The following PSMD6 variants were observed in gnomAD, a reference collection of about 807,000 sequenced individuals.
PSMD6 encodes the protein 26S proteasome non-ATPase regulatory subunit 6.
PSMD6 carries 7 observed loss-of-function variants against 44.9 expected under a neutral mutation model. The observed-to-expected ratio is 0.16, with a 90% confidence interval of 0.09 to 0.29. The LOEUF (loss-of-function observed/expected upper bound fraction) is 0.29. Among genes scored for constraint, PSMD6 ranks in the 10% least tolerant of loss-of-function variants. The pLI is 1.00. For missense variants in PSMD6, 420 were observed against 482.6 expected, an observed-to-expected ratio of 0.87 and a Z score of 1.21; for synonymous variants, 184 against 172.7, an observed-to-expected ratio of 1.07 and a Z score of -0.51.
chr3:64,017,376 G>A (rs2076062500), intron 5 of PSMD6: 1 of 152,036 alleles, frequency 6.6e-6, no homozygotes, highest in Non-Finnish European at 1.5e-5. Flanking sequence ...TTCTGACTGA[G>A]GGAAGCAAGG....
chr3:64,017,512 A>T (rs1048166951), intron 5 of PSMD6: 14 of 152,376 alleles, frequency 9.2e-5, no homozygotes, highest in Non-Finnish European at 1.5e-4. Context: ...AGTGATGACC[A>T]GGAGACCTCA....
At chr3:64,016,458 A>G (rs983270773) in intron 5 of PSMD6, 1 of 143,618 alleles carries the variant, frequency 7.0e-6, no homozygotes, top group Admixed American at 7.0e-5. Context: ...CATGAAGATT[A>G]AAAAAAAAAA....
chr3:64,022,338 G>C lies in PSMD6; in HGVS notation c.331C>G (p.Leu111Val). The change falls in exon 2 of 8, where the codon CTC becomes GTC. Residue 111 changes from leucine (L) to valine (V), a missense_variant. Leu to Val is a conservative substitution (Grantham distance 32). Around this residue, in one of 4 missense-constraint regions of PSMD6, gnomAD observed 216 missense variants for 227.0 expected, o/e 0.95. Coordinates refer to ENST00000295901, the MANE Select transcript of PSMD6 (RefSeq NM_014814.3). Reference protein sequence around the residue: ...RDAMMAKAEYLCRIGDKEGAL... With the variant: ...RDAMMAKAEYVCRIGDKEGAL... Reference sequence around the variant, plus strand: ...CTCACTTTGTCACCTATCCGGCAGAGGTACTCGGCCTTTGCCATCATTGCA... The same window carrying C: ...CTCACTTTGTCACCTATCCGGCAGACGTACTCGGCCTTTGCCATCATTGCA... The C allele has an allele frequency of 2.5e-6, 4 of 1,614,192 alleles. No homozygotes were observed. Among genetic ancestry groups the C allele is most frequent in the Non-Finnish European group, 3.4e-6 (4 of 1,180,044 alleles).
At chr3:64,016,770 C>T (rs1312912072) in intron 5 of PSMD6, 1 of 152,156 alleles carries the variant, frequency 6.6e-6, no homozygotes, top group Non-Finnish European at 1.5e-5. Flanking sequence ...AGAAAACTGG[C>T]AGTTCCTCAA....
upstream of PSMD6, chr3:64,023,726 C>A (rs2076172161): frequency 6.0e-6 from 9 of 1,489,708 alleles, no homozygotes; most frequent in Admixed American, 2.0e-5. Flanking sequence ...AGCTATTTTA[C>A]TTTCCGTTTG....
At chr3:64,014,997 C>G (rs2076020364) in intron 5 of PSMD6, 1 of 152,274 alleles carries the variant, frequency 6.6e-6, no homozygotes, top group Non-Finnish European at 1.5e-5. Flanking sequence ...CAAGAGAAAG[C>G]TGTGGTGAGA....
At chr3:64,016,658 T>C (rs892193970) in intron 5 of PSMD6, 1 of 151,910 alleles carries the variant, frequency 6.6e-6, no homozygotes, top group Non-Finnish European at 1.5e-5. Flanking sequence ...CCCACAAAGA[T>C]ACCTATAATC....
At chr3:64,023,831 T>C (rs1021051250), upstream of PSMD6, 15 of 1,471,720 alleles carry the variant, frequency 1.0e-5, no homozygotes, top group Non-Finnish European at 1.3e-5. Flanking sequence ...GTTACTCTCA[T>C]TCATCTTATT....
chr3:64,023,053 G>A (rs1355784267), intron 1 of PSMD6: 13 of 1,428,792 alleles, frequency 9.1e-6, no homozygotes, highest in African/African-American at 2.9e-5. Flanking sequence ...GCCCTTACAG[G>A]GGAAGGCGGC....
chr3:64,022,638 C>G (rs780092222), intron 1 of PSMD6, 115 bp from the exon 2 acceptor site: 3 of 1,565,230 alleles, frequency 1.9e-6, no homozygotes, highest in Non-Finnish European at 2.6e-6. Flanking sequence ...CTCTTCCCCA[C>G]TAACAGGAAG....
At chr3:64,016,051 G>T (rs1303882444) in intron 5 of PSMD6, 2 of 152,106 alleles carry the variant, frequency 1.3e-5, no homozygotes, top group Admixed American at 1.3e-4. Flanking sequence ...GCCGGGCATG[G>T]TGGCGGGCGC....
In PSMD6 at chr3:64,019,335, T is replaced by C; in HGVS notation, c.458A>G (p.Asp153Gly). 1 of 1,593,702 alleles carries C rather than the reference T, an allele frequency of 6.3e-7. No homozygotes were observed. The highest frequency in any genetic ancestry group is 2.2e-5 in the East Asian group (1 of 44,790). ...TGTGTTTCGTGTGATGAGATCATTA[T>C]CCATATAAAATAAGCCAATCCTAAG... ...YLLRIGLFYM[D>G]NDLITRNTEK... is the part of the protein sequence containing the mutation. The change falls in exon 3 of 8, where the codon GAT becomes GGT. Residue 153 changes from aspartate to glycine, a missense_variant. Asp to Gly is a moderately conservative substitution (Grantham distance 94). Coordinates refer to ENST00000295901, the MANE Select transcript of PSMD6 (RefSeq NM_014814.3).
intron 2 of PSMD6, among the ~76,000 whole-genome samples, chr3:64,021,065 A>T (rs973165146): frequency 5.3e-5 from 8 of 152,006 alleles, no homozygotes; most frequent in Admixed American, 2.0e-4. Flanking sequence ...ACACATATTT[A>T]AAAAAAAGAA....
chr3:64,023,148 G>C (rs2106879229), intron 1 of PSMD6, 127 bp downstream of exon 1: 2 of 1,425,526 alleles, frequency 1.4e-6, no homozygotes, highest in East Asian at 2.6e-5. Flanking sequence ...GGCCGGAGAA[G>C]CCAGGCCTGG....
At position 64,010,770 on chromosome 3, in the gene PSMD6, A is replaced by AATAAATTCAAGAAAAAATGAATT. The variant is rs3217453; in HGVS notation, c.1074-29_1074-7dup. On this transcript the variant is annotated splice_polypyrimidine_tract_variant and splice_region_variant and intron_variant, in intron 7 of 7. Transcript: ENST00000295901. ...GCCAGTTCTTGCTATCAGGTCTATAAATAAATTCAAGAAAAAATGAATTAT... is the reference window on the plus strand; with the variant it reads ...GCCAGTTCTTGCTATCAGGTCTATAAATAAATTCAAGAAAAAATGAATTATAAATTCAAGAAAAAATGAATTAT... The AATAAATTCAAGAAAAAATGAATT allele has an allele frequency of 8.4e-4, 1,335 of 1,595,604 alleles. 16 individuals are homozygous for AATAAATTCAAGAAAAAATGAATT. In the East Asian group the frequency reaches 0.021, roughly 26 times the overall value.
chr3:64,018,138 T>C lies in PSMD6; in HGVS notation c.826+461A>G, dbSNP rs143373109. Among the ~76,000 whole-genome samples, 8 of 152,306 alleles carry C rather than the reference T, an allele frequency of 5.3e-5. No homozygotes were observed. In the East Asian group the frequency reaches 1.2e-3, roughly 22 times the overall value. Reference sequence around the variant, plus strand: ...TTAGCTATTGATACAGAATAGCCCATTGCTGAATTCAAGGTTCAATTAATC... The same window carrying C: ...TTAGCTATTGATACAGAATAGCCCACTGCTGAATTCAAGGTTCAATTAATC... On this transcript the variant is annotated intron_variant, in intron 5 of 7. Transcript: ENST00000295901.
chr3:64,020,535 A>G (rs1288940980), intron 2 of PSMD6, among the ~76,000 whole-genome samples: 1 of 152,206 alleles, frequency 6.6e-6, no homozygotes, highest in East Asian at 1.9e-4. Context: ...AGCCACAAAC[A>G]TACAGCTTAA....
chr3:64,013,709 CA>C lies in PSMD6; in HGVS notation c.827-103del, dbSNP rs1192280687. 2.8e-6 allele frequency: 3 copies of C among 1,084,936 alleles called. No individual in the cohort carries two copies. The East Asian group carries it at 8.5e-5, about 31-fold the overall frequency. 67.2% of individuals were successfully genotyped at this position (1,084,936 alleles called of 1,614,324 possible). ...TAGTTGAGTCCAACAGATAGATGAACAAGTATCAAATTTCTCACTGCCCTTC... is the reference window on the plus strand; with the variant it reads ...TAGTTGAGTCCAACAGATAGATGAACAGTATCAAATTTCTCACTGCCCTTC... On this transcript the variant is annotated intron_variant, in intron 5 of 7. Coordinates refer to ENST00000295901, the MANE Select transcript of PSMD6 (RefSeq NM_014814.3).
Position 64,023,255 on chromosome 3 carries a change from G to C in PSMD6, c.145+20C>G, listed in dbSNP as rs1394263797. 2.6e-6 allele frequency: 4 copies of C among 1,547,074 alleles called. No individual in the cohort carries two copies. Among genetic ancestry groups the C allele is most frequent in the Non-Finnish European group, 3.5e-6 (4 of 1,144,324 alleles). On this transcript the variant is annotated intron_variant, in intron 1 of 7. Transcript: ENST00000295901. ...CGGCCCAGGCCTAGGCCGCTGACTC[G>C]GCGCTCGTGCGGGCCTCACTGTTAT...
Sources: gnomAD v4.1 joint callset for allele counts (sites outside exome capture counted in the v4.1 genomes callset) on GRCh38, gnomAD v4.1.1 for gene constraint, gnomAD v4.1.1 regional missense constraint, MANE v1.5 for transcripts, NCBI Gene and HGNC (gene_info 2026-07-23, HGNC 2026-07-21) for gene names.